B4GALNT3: variants seen among roughly 807,000 people sequenced by gnomAD.
B4GALNT3 encodes beta-1,4-N-acetyl-galactosaminyltransferase 3, also known as beta-1,4-N-acetylgalactosaminyltransferase 3.
In B4GALNT3, 86 loss-of-function variants were observed where a neutral mutation model predicts 120.2. That is an observed-to-expected ratio of 0.72 (90% CI 0.60 to 0.86). B4GALNT3 has a LOEUF of 0.86. Among genes scored for constraint, B4GALNT3 ranks in the 40% least tolerant of loss-of-function variants. B4GALNT3 has a pLI of 0.00. For synonymous variants in B4GALNT3, 518 were observed against 510.4 expected (o/e 1.01, Z -0.20); for missense variants, 1,167 against 1,298.9 (o/e 0.90, Z 1.56).
intron 9 of B4GALNT3, among the ~76,000 whole-genome samples, chr12:549,426 T>C (rs1947048903): frequency 2.0e-5 from 3 of 152,374 alleles, no homozygotes; most frequent in Admixed American, 6.5e-5. Flanking sequence ...GAGCAGGGCC[T>C]GGCTTATTAT....
At chr12:537,392 CA>C (rs1318574095) in intron 3 of B4GALNT3, among the ~76,000 whole-genome samples, 2 of 152,128 alleles carry the variant, frequency 1.3e-5, no homozygotes. Flanking sequence ...GCTAGGACTA[CA>C]GGGATGTACC....
chr12:559,354 A>G lies in B4GALNT3; in HGVS notation c.2821A>G (p.Ile941Val), dbSNP rs1271951099. ...CATCTACAAGTCTGACCTGGACAGGATTGGGGGCATGAACACCAAGGAGTT... is the reference window on the plus strand; with the variant it reads ...CATCTACAAGTCTGACCTGGACAGGGTTGGGGGCATGAACACCAAGGAGTT... ...LGIYKSDLDR[I>V]GGMNTKEFRD... is the part of the protein sequence containing the mutation. The change falls in exon 19 of 20, where the codon ATT becomes GTT. Residue 941 changes from isoleucine to valine, a missense_variant. Ile to Val is a conservative substitution (Grantham distance 29). This residue lies in a region of B4GALNT3 where 983 missense variants were observed against 1,102.5 expected (regional missense o/e 0.89). Coordinates refer to ENST00000266383, the MANE Select transcript of B4GALNT3 (RefSeq NM_173593.4). 6.2e-7 allele frequency: 1 copy of G among 1,613,746 alleles called. No homozygotes were observed. Among genetic ancestry groups the G allele is most frequent in the East Asian group, 2.2e-5 (1 of 44,848 alleles).
At chr12:542,764 GC>G (rs901960437) in intron 3 of B4GALNT3, among the ~76,000 whole-genome samples, 1 of 152,334 alleles carries the variant, frequency 6.6e-6, no homozygotes, top group African/African-American at 2.4e-5. Flanking sequence ...AACTGGCACT[GC>G]CCCGAGGCTG....
At chr12:531,192 C>T (rs1438651011) in intron 1 of B4GALNT3, among the ~76,000 whole-genome samples, 1 of 151,876 alleles carries the variant, frequency 6.6e-6, no homozygotes, top group Non-Finnish European at 1.5e-5. Flanking sequence ...TCCCAATGCA[C>T]AGCACAGCGC....
chr12:489,759 CTG>C (rs1946324599), intron 1 of B4GALNT3, among the ~76,000 whole-genome samples: 1 of 152,194 alleles, frequency 6.6e-6, no homozygotes, highest in South Asian at 2.1e-4. Context: ...CATCCGTCAA[CTG>C]GATATAATTG....
At position 460,581 on chromosome 12, in the gene B4GALNT3, G is replaced by T. The variant is rs1172674698; in HGVS notation, c.169+36G>T. The T allele has an allele frequency of 3.0e-6, 4 of 1,346,160 alleles. No individual in the cohort carries two copies. Among genetic ancestry groups the T allele is most frequent in the African/African-American group, 1.5e-5 (1 of 65,936 alleles). The allele number at this position is 1,346,160 out of a possible 1,614,324, so 83.4% of individuals were successfully genotyped here. A position where few individuals can be genotyped will look rare whatever the true frequency, so the allele number is the denominator to read the frequency against. On this transcript the variant is annotated intron_variant, in intron 1 of 19. Transcript: ENST00000266383. The surrounding 1 kb of genome is among the most constrained non-coding windows in gnomAD (Gnocchi z 8.0). ...CCCAGGGGAGGCGAAGGGCGCGGGGGTGGGCGGCGGCGGCGGCTCCTGCGT... is the reference window on the plus strand; with the variant it reads ...CCCAGGGGAGGCGAAGGGCGCGGGGTTGGGCGGCGGCGGCGGCTCCTGCGT...
chr12:504,276 C>G (rs1946472442), intron 1 of B4GALNT3, among the ~76,000 whole-genome samples: 1 of 114,074 alleles, frequency 8.8e-6, no homozygotes, highest in Non-Finnish European at 1.7e-5. Context: ...GAGACCCTGT[C>G]TATAAAAAAA....
rs201571735 is a variant in B4GALNT3, at chr12:545,418, G to A, written c.588G>A (p.Leu196=). ...IAADDNAEFW[L]SLDDQVSGLQ... is the part of the protein sequence containing the mutation. Reference sequence around the variant, plus strand: ...CAGATGACAACGCGGAGTTCTGGCTGAGCCTCGATGACCAGGTCTCAGGCC... The same window carrying A: ...CAGATGACAACGCGGAGTTCTGGCTAAGCCTCGATGACCAGGTCTCAGGCC... Residue 196 remains leucine (L), a synonymous_variant, in exon 6 of 20, where the codon CTG becomes CTA. Coordinates refer to ENST00000266383, the MANE Select transcript of B4GALNT3 (RefSeq NM_173593.4). 2 of 1,611,906 alleles carry A rather than the reference G, an allele frequency of 1.2e-6. No individual in the cohort carries two copies. The highest frequency in any genetic ancestry group is 2.2e-5 in the East Asian group (1 of 44,854).
chr12:519,026 G>A (rs534079405), intron 1 of B4GALNT3, among the ~76,000 whole-genome samples: 10 of 152,034 alleles, frequency 6.6e-5, no homozygotes, highest in Admixed American at 2.6e-4. Context: ...AAGCCATTTC[G>A]TGCAACCATC....
chr12:473,853 G>A (rs1946159695), intron 1 of B4GALNT3, among the ~76,000 whole-genome samples: 4 of 152,216 alleles, frequency 2.6e-5, no homozygotes, highest in South Asian at 4.2e-4. Flanking sequence ...CAAACAGATC[G>A]GGATTTGAGA....
intron 1 of B4GALNT3, among the ~76,000 whole-genome samples, chr12:497,078 T>C (rs1003750103): frequency 2.6e-5 from 4 of 152,182 alleles, no homozygotes; most frequent in African/African-American, 9.7e-5. Context: ...CAAGCGATCC[T>C]TCCACCTCAG....
intron 1 of B4GALNT3, among the ~76,000 whole-genome samples, chr12:488,556 A>G (rs11063226): frequency 0.11 from 16,071 of 152,280 alleles, 997 homozygotes; most frequent in East Asian, 0.21. Flanking sequence ...TTGTTATTGT[A>G]AAGTACTTGC....
intron 1 of B4GALNT3, among the ~76,000 whole-genome samples, chr12:474,093 G>A (rs544544728): frequency 1.3e-5 from 2 of 152,298 alleles, no homozygotes; most frequent in South Asian, 2.1e-4. Flanking sequence ...TTCAGGATAA[G>A]CGTCTCCTTC....
At chr12:471,678 G>T (rs1377495089) in intron 1 of B4GALNT3, among the ~76,000 whole-genome samples, 2 of 151,506 alleles carry the variant, frequency 1.3e-5, no homozygotes, top group African/African-American at 4.8e-5. Context: ...TTGCACTACT[G>T]CCTGGGCAAC....
intron 1 of B4GALNT3, among the ~76,000 whole-genome samples, chr12:497,622 T>C (rs1371000539): frequency 6.6e-6 from 1 of 152,208 alleles, no homozygotes; most frequent in African/African-American, 2.4e-5. Context: ...TTCTTTTGGG[T>C]ATAGACCCAG....
intron 1 of B4GALNT3, among the ~76,000 whole-genome samples, chr12:463,954 T>C (rs928365078): frequency 3.3e-5 from 5 of 152,226 alleles, no homozygotes; most frequent in African/African-American, 1.2e-4. Flanking sequence ...AGTTTTAGAA[T>C]ACGGCAGCAT....
At position 561,463 on chromosome 12, in the gene B4GALNT3, C is replaced by T. The variant is rs1389015586; in HGVS notation, c.*12C>T. On this transcript the variant is annotated 3_prime_UTR_variant, in exon 20 of 20. Coordinates refer to ENST00000266383, the MANE Select transcript of B4GALNT3 (RefSeq NM_173593.4). ...TGAAGACGCTGTAGCCGGAGGGTGT[C>T]CGCGGGGCCCAGCACTCCCCGCTCT... The T allele has an allele frequency of 6.3e-7, 1 of 1,596,096 alleles. No homozygotes were observed. Among genetic ancestry groups the T allele is most frequent in the Non-Finnish European group, 8.6e-7 (1 of 1,167,446 alleles).
intron 1 of B4GALNT3, among the ~76,000 whole-genome samples, chr12:464,817 C>A (rs188579095): frequency 6.6e-6 from 1 of 152,190 alleles, no homozygotes; most frequent in Non-Finnish European, 1.5e-5. Flanking sequence ...GCTGCCTTAC[C>A]TCTATCTGTA....
Position 546,707 on chromosome 12 carries a change from C to T in B4GALNT3, c.701C>T (p.Pro234Leu). ...FGKFRSQISK[P>L]VSLSASHRYY... ...AAATTTCGGAGCCAAATTTCCAAGC[C>T]GGTGAGGTGAGTGAGGGTCAGGACA... Residue 234 changes from proline (P) to leucine (L), a missense_variant, in exon 7 of 20, where the codon CCG (proline) becomes CTG (leucine). Around this residue, in one of 3 missense-constraint regions of B4GALNT3, gnomAD observed 983 missense variants for 1,102.5 expected, o/e 0.89. Transcript: ENST00000266383. The T allele has an allele frequency of 2.6e-6, 4 of 1,551,402 alleles. No homozygotes were observed. The highest frequency in any genetic ancestry group is 2.4e-5 in the South Asian group (2 of 84,056).
Sources: allele counts gnomAD v4.1 joint callset (sites outside exome capture counted in the v4.1 genomes callset), GRCh38; gene constraint gnomAD v4.1.1; regional missense constraint gnomAD v4.1.1; non-coding constraint Gnocchi (gnomAD v3.1); transcripts MANE v1.5; gene names NCBI Gene and HGNC (gene_info 2026-07-23, HGNC 2026-07-21).